The following TENT5D variants were observed in gnomAD, a reference collection of about 807,000 sequenced individuals.
TENT5D encodes terminal nucleotidyltransferase 5D.
For missense variants in TENT5D, 191 were observed against 287.0 expected, an observed-to-expected ratio of 0.67 and a Z score of 2.42; for synonymous variants, 103 against 100.6, an observed-to-expected ratio of 1.02 and a Z score of -0.15.
At position 80,437,502 on chromosome X, in the gene TENT5D, G is replaced by A. The variant is rs774234096; in HGVS notation, c.-141-1108G>A. Among the ~76,000 whole-genome samples the A allele has an allele frequency of 5.3e-4, 59 of 111,241 alleles. 1 individual carries two copies. Among genetic ancestry groups the A allele is most frequent in the Non-Finnish European group, 1.0e-3 (55 of 52,908 alleles). On this transcript the variant is annotated intron_variant, in intron 1 of 2. Coordinates refer to ENST00000308293, the Ensembl canonical transcript of TENT5D. ...TTTTTATTGAAGTATACTATTCAGGGTATTCTACGATCTTATTGAACACAG... is the reference window on the plus strand; with the variant it reads ...TTTTTATTGAAGTATACTATTCAGGATATTCTACGATCTTATTGAACACAG...
chrX:80,346,199 A>C (rs1217126975), intron 3 of TENT5D, among the ~76,000 whole-genome samples: 1 of 112,160 alleles, frequency 8.9e-6, no homozygotes, highest in Non-Finnish European at 1.9e-5. Flanking sequence ...TCACTGTATA[A>C]AAAGTGTATT....
chrX:80,356,912 T>G (rs1267967978), intron 3 of TENT5D, among the ~76,000 whole-genome samples: 1 of 110,612 alleles, frequency 9.0e-6, no homozygotes, highest in East Asian at 2.9e-4. Context: ...CCCTCCCCGC[T>G]CCTCCCACCC....
chrX:80,435,908 A>G (rs1255825079), intron 1 of TENT5D, among the ~76,000 whole-genome samples: 1 of 112,352 alleles, frequency 8.9e-6, no homozygotes, highest in African/African-American at 3.2e-5. Flanking sequence ...TTTTATTTCA[A>G]ACACATTTTA....
At chrX:80,347,172 T>C (rs1930081179) in intron 3 of TENT5D, among the ~76,000 whole-genome samples, 1 of 111,853 alleles carries the variant, frequency 8.9e-6, no homozygotes, top group Non-Finnish European at 1.9e-5. Flanking sequence ...GAATGATTTA[T>C]AATCCTGTGG....
intron 3 of TENT5D, among the ~76,000 whole-genome samples, chrX:80,376,267 G>T (rs1438610358): frequency 9.0e-6 from 1 of 110,982 alleles, no homozygotes; most frequent in African/African-American, 3.3e-5. Flanking sequence ...ATAAAGTACT[G>T]AAAAGTTTCT....
In TENT5D at chrX:80,382,529, G is replaced by A. The variant is rs183293626; in HGVS notation, c.-142+39965G>A. ...TGCTCTCTTCACTGCTGTCAGACAG[G>A]TACGTTTAAGTCTGCAGAAGTTTCT... is the stretch of plus-strand genomic sequence containing the variant. On this transcript the variant is annotated intron_variant, in intron 3 of 4. Transcript: ENST00000538312. Among the ~76,000 whole-genome samples, 18 of 112,052 alleles carry A rather than the reference G, an allele frequency of 1.6e-4. No homozygotes were observed. In the East Asian group the frequency reaches 5.1e-3, roughly 32 times the overall value.
chrX:80,406,461 C>T (rs1351696841), intron 3 of TENT5D, among the ~76,000 whole-genome samples: 19 of 107,325 alleles, frequency 1.8e-4, no homozygotes, highest in Non-Finnish European at 3.5e-4. Flanking sequence ...ATGCAGAAGC[C>T]TCAGGAGCCG....
chrX:80,339,993 T>C (rs2147510808), intron 2 of TENT5D, among the ~76,000 whole-genome samples: 1 of 110,103 alleles, frequency 9.1e-6, no homozygotes, highest in South Asian at 3.9e-4. Flanking sequence ...AAAACTTGAA[T>C]AATAAAAATG....
chrX:80,397,733 C>G (rs1318847818), intron 3 of TENT5D, among the ~76,000 whole-genome samples: 1 of 112,926 alleles, frequency 8.9e-6, no homozygotes, highest in African/African-American at 3.2e-5. Context: ...TGGAGACCAT[C>G]CCAGCCAACA....
At chrX:80,353,646 G>A (rs1333836679) in intron 3 of TENT5D, among the ~76,000 whole-genome samples, 2 of 112,345 alleles carry the variant, frequency 1.8e-5, no homozygotes, top group African/African-American at 6.5e-5. Flanking sequence ...TCCATGGTGT[G>A]TGTGTACCCC....
intron 3 of TENT5D, among the ~76,000 whole-genome samples, chrX:80,405,304 A>G (rs1298616586): frequency 1.8e-5 from 2 of 112,573 alleles, no homozygotes; most frequent in East Asian, 2.8e-4. Context: ...TGTGAGCAAC[A>G]CAGAAGACGG....
At chrX:80,381,773 G>A (rs181412620) in intron 3 of TENT5D, among the ~76,000 whole-genome samples, 36 of 111,600 alleles carry the variant, frequency 3.2e-4, no homozygotes, top group African/African-American at 7.2e-4. Context: ...TTGTGCATGC[G>A]TCATGTAGTT....
chrX:80,435,030 G>T (rs182134577), intron 1 of TENT5D, among the ~76,000 whole-genome samples: 123 of 110,135 alleles, frequency 1.1e-3, no homozygotes, highest in Non-Finnish European at 2.0e-3. Context: ...TGATCCGCCC[G>T]CCTCAGCCTC....
intron 3 of TENT5D, among the ~76,000 whole-genome samples, chrX:80,403,977 G>A (rs1248938869): frequency 9.0e-6 from 1 of 111,519 alleles, no homozygotes; most frequent in Non-Finnish European, 1.9e-5. Flanking sequence ...ATGTACATTG[G>A]TTTGGTCCGG....
At chrX:80,422,105 T>TC (rs1931897036) in intron 1 of TENT5D, among the ~76,000 whole-genome samples, 1 of 111,325 alleles carries the variant, frequency 9.0e-6, no homozygotes, top group Non-Finnish European at 1.9e-5. Flanking sequence ...GAATGGAAAG[T>TC]AATAAGAGAT....
At position 80,383,075 on chromosome X, in the gene TENT5D, C is replaced by T. The variant is rs1014125975; in HGVS notation, c.-142+40511C>T. On this transcript the variant is annotated intron_variant, in intron 3 of 4. Transcript: ENST00000538312. ...TGCAGAAATCACCCATCTTCTGCAT[C>T]GATCACGCTGGGAGCTACAGACTGG... Among the ~76,000 whole-genome samples the T allele has an allele frequency of 3.6e-5, 4 of 112,061 alleles. No homozygotes were observed. In the South Asian group the frequency reaches 1.1e-3, roughly 32 times the overall value.
intron 3 of TENT5D, among the ~76,000 whole-genome samples, chrX:80,356,558 ATTAG>A (rs1930289169): frequency 9.0e-6 from 1 of 111,367 alleles, no homozygotes; most frequent in Non-Finnish European, 1.9e-5. Context: ...TTAAATATAT[ATTAG>A]TTAGAACACC....
At chrX:80,337,811 A>T (rs905194255) in intron 2 of TENT5D, among the ~76,000 whole-genome samples, 6 of 110,452 alleles carry the variant, frequency 5.4e-5, no homozygotes, top group African/African-American at 2.0e-4. Context: ...TCTGTTGCCC[A>T]GGCTGGAGTG....
chrX:80,354,453 A>T (rs1421340250), intron 3 of TENT5D, among the ~76,000 whole-genome samples: 1 of 112,072 alleles, frequency 8.9e-6, no homozygotes, highest in African/African-American at 3.2e-5. Flanking sequence ...AAGCTGTGAA[A>T]TTCTTTCCTC....
Sources: allele counts gnomAD v4.1 joint callset (sites outside exome capture counted in the v4.1 genomes callset), GRCh38; gene constraint gnomAD v4.1.1; transcripts MANE v1.5; gene names NCBI Gene and HGNC (gene_info 2026-07-23, HGNC 2026-07-21).